SLC24A2: variants seen among roughly 807,000 people sequenced by gnomAD.
SLC24A2 encodes the protein sodium/potassium/calcium exchanger 2.
A neutral mutation model predicts 62.0 loss-of-function variants in SLC24A2; 36 were observed. That is an observed-to-expected ratio of 0.58 (90% CI 0.44 to 0.77). The LOEUF is 0.77. SLC24A2 is among the 30% of genes least tolerant of loss of function. The pLI is 0.00. For missense variants in SLC24A2, 846 were observed against 817.9 expected, an observed-to-expected ratio of 1.03 and a Z score of -0.42; for synonymous variants, 358 against 294.0, an observed-to-expected ratio of 1.22 and a Z score of -2.23.
At chr9:19,877,512 C>T in the SLC24A2 span, among the ~76,000 whole-genome samples, 7 of 151,486 alleles carry the variant, frequency 4.6e-5, no homozygotes, top group Admixed American at 2.6e-4. Flanking sequence ...TTCCAGAAAC[C>T]GACCTCAAGT....
At chr9:19,584,276 A>T (rs1032182378) in intron 5 of SLC24A2, among the ~76,000 whole-genome samples, 2 of 7,612 alleles carry the variant, frequency 2.6e-4, no homozygotes, top group African/African-American at 6.1e-4. Context: ...CAAATAGTAA[A>T]AAAAAAAAAA....
chr9:19,921,593 A>G, the SLC24A2 span, among the ~76,000 whole-genome samples: 2 of 152,068 alleles, frequency 1.3e-5, no homozygotes, highest in African/African-American at 4.8e-5. Context: ...TCTCACTTCA[A>G]TTGAAAAATA....
At chr9:19,685,821 A>T (rs1436415501) in intron 2 of SLC24A2, among the ~76,000 whole-genome samples, 1 of 152,166 alleles carries the variant, frequency 6.6e-6, no homozygotes, top group African/African-American at 2.4e-5. Flanking sequence ...AAAACTCTGG[A>T]AGATAATCTA....
chr9:20,182,398 A>G, the SLC24A2 span, among the ~76,000 whole-genome samples: 2,066 of 152,360 alleles, frequency 0.014, 59 homozygotes, highest in African/African-American at 0.047. Flanking sequence ...ATGTCCATCA[A>G]TGATAGACTG....
the SLC24A2 span, among the ~76,000 whole-genome samples, chr9:19,991,625 T>G: frequency 2.0e-5 from 3 of 152,218 alleles, no homozygotes; most frequent in African/African-American, 7.2e-5. Context: ...GCAGGACTAC[T>G]GTATTTGGTT....
chr9:19,568,350 C>A (rs529741266), intron 7 of SLC24A2, among the ~76,000 whole-genome samples: 2 of 152,162 alleles, frequency 1.3e-5, no homozygotes, highest in African/African-American at 4.8e-5. Context: ...CCAAATCTTC[C>A]CAATTCTGGC....
chr9:19,962,257 G>T, the SLC24A2 span, among the ~76,000 whole-genome samples: 1 of 152,144 alleles, frequency 6.6e-6, no homozygotes, highest in African/African-American at 2.4e-5. Context: ...TGCTGTTTTG[G>T]TTACTGTAGC....
chr9:19,617,780 C>G (rs919046111), intron 4 of SLC24A2, among the ~76,000 whole-genome samples: 2 of 152,150 alleles, frequency 1.3e-5, no homozygotes, highest in African/African-American at 4.8e-5. Context: ...TCCTAAGAGC[C>G]CTGGGAAGCC....
chr9:19,534,738 T>G (rs934153579), intron 8 of SLC24A2, among the ~76,000 whole-genome samples: 2 of 152,186 alleles, frequency 1.3e-5, no homozygotes, highest in African/African-American at 4.8e-5. Context: ...TGTGGCACAT[T>G]TTCTTTATCC....
chr9:19,823,281 G>T, the SLC24A2 span, among the ~76,000 whole-genome samples: 389 of 145,592 alleles, frequency 2.7e-3, 4 homozygotes, highest in African/African-American at 8.9e-3. Flanking sequence ...CCTCACCCAG[G>T]TTCCCTGTAT....
the SLC24A2 span, among the ~76,000 whole-genome samples, chr9:19,995,211 G>C: frequency 6.6e-6 from 1 of 151,458 alleles, no homozygotes; most frequent in South Asian, 2.1e-4. Context: ...TCTTTCACGC[G>C]TATCTTTTAG....
At chr9:19,727,556 C>A (rs1821207518) in intron 2 of SLC24A2, among the ~76,000 whole-genome samples, 1 of 152,160 alleles carries the variant, frequency 6.6e-6, no homozygotes, top group African/African-American at 2.4e-5. Flanking sequence ...TGCAGGAGCT[C>A]AGACACTTAG....
chr9:20,053,163 C>T, the SLC24A2 span, among the ~76,000 whole-genome samples: 1 of 152,174 alleles, frequency 6.6e-6, no homozygotes, highest in Non-Finnish European at 1.5e-5. Flanking sequence ...GTCAACTTCA[C>T]TTTCCTCTGC....
the SLC24A2 span, among the ~76,000 whole-genome samples, chr9:20,119,009 A>G: frequency 6.6e-6 from 1 of 152,182 alleles, no homozygotes; most frequent in Non-Finnish European, 1.5e-5. Flanking sequence ...AGAAGTGGCC[A>G]TGTTGGGAGG....
At chr9:19,906,178 C>T in the SLC24A2 span, among the ~76,000 whole-genome samples, 4 of 152,286 alleles carry the variant, frequency 2.6e-5, no homozygotes, top group Admixed American at 2.0e-4. Context: ...GAAACTCAGT[C>T]AAAAACACTC....
At chr9:20,006,780 C>T in the SLC24A2 span, among the ~76,000 whole-genome samples, 4 of 152,078 alleles carry the variant, frequency 2.6e-5, no homozygotes, top group East Asian at 1.9e-4. Flanking sequence ...CAAGAAAAAT[C>T]GTGTATGCCT....
chr9:20,249,583 T>C, the SLC24A2 span, among the ~76,000 whole-genome samples: 14,895 of 151,632 alleles, frequency 0.098, 825 homozygotes, highest in East Asian at 0.2. Context: ...CGGGCTCCTG[T>C]AGTCCCAGCT....
At chr9:20,187,753 G>A in the SLC24A2 span, among the ~76,000 whole-genome samples, 16 of 152,106 alleles carry the variant, frequency 1.1e-4, no homozygotes. Flanking sequence ...TGAGCATCTT[G>A]TGGCAATGCA....
the SLC24A2 span, among the ~76,000 whole-genome samples, chr9:20,167,493 A>T: frequency 6.6e-6 from 1 of 151,976 alleles, no homozygotes; most frequent in African/African-American, 2.4e-5. Flanking sequence ...AGATAGATAG[A>T]TATAGGTAGG....
Sources: allele counts gnomAD v4.1 joint callset (sites outside exome capture counted in the v4.1 genomes callset), GRCh38; gene constraint gnomAD v4.1.1; transcripts MANE v1.5; gene names NCBI Gene and HGNC (gene_info 2026-07-23, HGNC 2026-07-21).